Variants in SLC17A9 observed in about 807,000 individuals in gnomAD.
SLC17A9 encodes the protein voltage-gated purine nucleotide uniporter SLC17A9.
A neutral mutation model predicts 55.0 loss-of-function variants in SLC17A9; 49 were observed. That is an observed-to-expected ratio of 0.89 (90% CI 0.71 to 1.13). The LOEUF is 1.13. Ranked by LOEUF, SLC17A9 falls within the 50% of genes most tolerant of loss-of-function variation. The pLI is 0.00. For synonymous variants in SLC17A9, 256 were observed against 247.4 expected (o/e 1.03, Z -0.32); for missense variants, 526 against 569.3 (o/e 0.92, Z 0.77).
At chr20:62,963,038 AG>A in intron 5 of SLC17A9, 2 of 634,804 alleles carry the variant, frequency 3.2e-6, no homozygotes, top group Non-Finnish European at 5.4e-6. Flanking sequence ...TTGGGTGGCC[AG>A]GGGGCTCTGG....
intron 1 of SLC17A9, among the ~76,000 whole-genome samples, chr20:62,954,967 C>A (rs775472690): frequency 7.2e-5 from 11 of 152,136 alleles, no homozygotes; most frequent in South Asian, 2.1e-4. Flanking sequence ...CACCTCCCCC[C>A]CTTTCTTTTT....
intron 3 of SLC17A9, among the ~76,000 whole-genome samples, chr20:62,957,866 AGT>A (rs10690603): frequency 5.7e-5 from 6 of 104,874 alleles, no homozygotes; most frequent in East Asian, 2.8e-4. Flanking sequence ...TGCGTGTGCA[AGT>A]GTGTGTATGG....
intron 1 of SLC17A9, among the ~76,000 whole-genome samples, chr20:62,953,673 G>A (rs185812047): frequency 1.4e-3 from 220 of 152,334 alleles, no homozygotes; most frequent in African/African-American, 4.9e-3. Flanking sequence ...GAGTCCCCAG[G>A]GTACCTACCC....
rs2147655425 is a variant in SLC17A9, at chr20:62,962,554, T to C, written c.498-70T>C. On this transcript the variant is annotated intron_variant, in intron 4 of 12. Transcript: ENST00000370351. This position sits in a 1 kb window ranked among gnomAD's most constrained non-coding sequence, Gnocchi z 5.5. ...GGCTCAGCCTGCACCAGGGTGGGGT[T>C]TCTGAGAGGCCCCTCCTCACCCGAG... is the stretch of plus-strand genomic sequence containing the variant. 1 of 1,562,896 alleles carries C rather than the reference T, an allele frequency of 6.4e-7. No homozygotes were observed. Among genetic ancestry groups the C allele is most frequent in the Non-Finnish European group, 8.6e-7 (1 of 1,156,296 alleles).
At chr20:62,959,548 A>G (rs2427461) in intron 3 of SLC17A9, among the ~76,000 whole-genome samples, 72,531 of 152,072 alleles carry the variant, frequency 0.48, 18,399 homozygotes, top group East Asian at 0.81. Context: ...CAGAGACGCC[A>G]GGTGTCCCAA....
chr20:62,965,504 AC>A (rs1447580151), intron 9 of SLC17A9, 105 bp from the exon 10 acceptor site: 14 of 1,065,616 alleles, frequency 1.3e-5, no homozygotes, highest in Non-Finnish European at 2.0e-5. Context: ...AGCCAACCTG[AC>A]CGTTGTGCGG....
chr20:62,964,438 A>C, intron 8 of SLC17A9, 123 bp downstream of exon 8: 2 of 977,462 alleles, frequency 2.0e-6, no homozygotes, highest in Non-Finnish European at 1.6e-6. Flanking sequence ...ACAGAGGGGC[A>C]CTTCTTTCCA....
intron 3 of SLC17A9, among the ~76,000 whole-genome samples, chr20:62,957,971 T>C (rs1363521076): frequency 2.0e-5 from 3 of 150,042 alleles, no homozygotes; most frequent in Non-Finnish European, 4.4e-5. Flanking sequence ...TGTGCATGTA[T>C]GTTTGTGCTT....
intron 12 of SLC17A9, 194 bp downstream of exon 12, chr20:62,966,926 T>C (rs1276071122): frequency 7.5e-6 from 5 of 669,298 alleles, no homozygotes; most frequent in Non-Finnish European, 1.2e-5. Context: ...TGACGGCAGG[T>C]GGCTCATGAG....
rs977985736 is a variant in SLC17A9, at chr20:62,958,392, C to A, written c.397+812C>A. ...TGCCTCCGATACTAGGGCCTTGGAGCGCCTTAACTGTCAGGAGAACAAGGT... is the reference window on the plus strand; with the variant it reads ...TGCCTCCGATACTAGGGCCTTGGAGAGCCTTAACTGTCAGGAGAACAAGGT... On this transcript the variant is annotated intron_variant, in intron 3 of 12. Coordinates refer to ENST00000370351, the MANE Select transcript of SLC17A9 (RefSeq NM_022082.4). The surrounding 1 kb of genome is among the most constrained non-coding windows in gnomAD (Gnocchi z 4.1). 1.3e-5 allele frequency among the ~76,000 whole-genome samples: 2 copies of A among 151,770 alleles called. No individual in the cohort carries two copies. Among genetic ancestry groups the A allele is most frequent in the Non-Finnish European group, 2.9e-5 (2 of 67,900 alleles).
chr20:62,959,213 G>T (rs59910338), intron 3 of SLC17A9, among the ~76,000 whole-genome samples: 1 of 152,228 alleles, frequency 6.6e-6, no homozygotes, highest in African/African-American at 2.4e-5. Flanking sequence ...GTGTCGCTGA[G>T]AAGACCCTCG....
At chr20:62,964,722 C>T (rs548199594) in intron 8 of SLC17A9, among the ~76,000 whole-genome samples, 1 of 152,376 alleles carries the variant, frequency 6.6e-6, no homozygotes, top group East Asian at 1.9e-4. Flanking sequence ...CAGGCGGATG[C>T]ACACGCGTGC....
In SLC17A9 at chr20:62,965,151, G is replaced by A. The variant is rs201288766; in HGVS notation, c.930G>A (p.Val310=). Residue 310 remains valine (V), a synonymous_variant, in exon 9 of 13, where the codon GTG becomes GTA. Coordinates refer to ENST00000370351, the MANE Select transcript of SLC17A9 (RefSeq NM_022082.4). ...LINQGYRAIT[V]RKLMQGMGLG... is the part of the protein sequence containing the mutation. ...CTGTAGGTTACAGAGCCATCACGGT[G>A]CGGAAGCTCATGCAGGTAGGAGAAT... The A allele has an allele frequency of 1.2e-4, 200 of 1,613,994 alleles. No homozygotes were observed. The highest frequency in any genetic ancestry group is 1.6e-4 in the Middle Eastern group (1 of 6,084).
rs985462018 is a variant in SLC17A9, at chr20:62,962,139, G to A, written c.498-485G>A. The A allele has an allele frequency of 9.1e-5, 14 of 153,646 alleles. No individual in the cohort carries two copies. Among genetic ancestry groups the A allele is most frequent in the African/African-American group, 3.4e-4 (14 of 41,478 alleles). The allele number at this position is 153,646 out of a possible 1,614,324, so 9.5% of individuals were successfully genotyped here. A position where few individuals can be genotyped will look rare whatever the true frequency, so the allele number is the denominator to read the frequency against. On this transcript the variant is annotated intron_variant, in intron 4 of 12. Coordinates refer to ENST00000370351, the MANE Select transcript of SLC17A9 (RefSeq NM_022082.4). The surrounding 1 kb of genome is among the most constrained non-coding windows in gnomAD (Gnocchi z 5.5). ...GACAATGAAGTCATGGGGACGGGAT[G>A]GGGGTTGTTGGATTTGGCCGTCATG...
intron 3 of SLC17A9, among the ~76,000 whole-genome samples, chr20:62,959,223 G>A (rs947564153): frequency 3.7e-4 from 56 of 152,274 alleles, no homozygotes; most frequent in African/African-American, 1.3e-3. Flanking sequence ...GAAGACCCTC[G>A]GCCCTGGGGC....
In SLC17A9 at chr20:62,960,495, T is replaced by C. The variant is rs772955855; in HGVS notation, c.398-9T>C. ...GGACCCTGAGAGACCCTCCCTCCAC[T>C]TGTTGCAGGGGTTTACTTCCCTGCC... On this transcript the variant is annotated splice_polypyrimidine_tract_variant and intron_variant, in intron 3 of 12. Coordinates refer to ENST00000370351, the MANE Select transcript of SLC17A9 (RefSeq NM_022082.4). 2 of 1,610,568 alleles carry C rather than the reference T, an allele frequency of 1.2e-6. No homozygotes were observed. The highest frequency in any genetic ancestry group is 1.1e-5 in the South Asian group (1 of 90,258).
chr20:62,960,471 G>T, intron 3 of SLC17A9, 33 bp from the exon 4 acceptor site: 1 of 1,594,866 alleles, frequency 6.3e-7, no homozygotes, highest in Non-Finnish European at 8.5e-7. Context: ...TCCCTGGATG[G>T]ACCCTGAGAG....
chr20:62,965,187 G>C, intron 9 of SLC17A9, 21 bp downstream of exon 9: 1 of 1,614,058 alleles, frequency 6.2e-7, no homozygotes, highest in Non-Finnish European at 8.5e-7. Context: ...CATTCCGGTC[G>C]TTCTCTCTGG....
At position 62,958,734 on chromosome 20, in the gene SLC17A9, C is replaced by T. The variant is rs1198199845; in HGVS notation, c.397+1154C>T. ...GAGTTCACTCCCAGGCCTCGTTCTC[C>T]TCCCTCTCCACACCCTCACTCCCCA... On this transcript the variant is annotated intron_variant, in intron 3 of 12. Transcript: ENST00000370351. The surrounding 1 kb of genome is among the most constrained non-coding windows in gnomAD (Gnocchi z 4.1). Among the ~76,000 whole-genome samples the T allele has an allele frequency of 6.6e-6, 1 of 152,234 alleles. No homozygotes were observed. The highest frequency in any genetic ancestry group is 1.5e-5 in the Non-Finnish European group (1 of 68,036).
Sources: gnomAD v4.1 joint callset for allele counts (sites outside exome capture counted in the v4.1 genomes callset) on GRCh38, gnomAD v4.1.1 for gene constraint, Gnocchi (gnomAD v3.1) non-coding constraint, MANE v1.5 for transcripts, NCBI Gene and HGNC (gene_info 2026-07-23, HGNC 2026-07-21) for gene names.